SULF1: variants seen among roughly 807,000 people sequenced by gnomAD.
The protein encoded by SULF1 is extracellular sulfatase Sulf-1.
SULF1 carries 46 observed loss-of-function variants against 110.5 expected under a neutral mutation model. That is an observed-to-expected ratio of 0.42 (90% confidence interval 0.33 to 0.53). The LOEUF (loss-of-function observed/expected upper bound fraction) is 0.53, where lower values mean the gene tolerates loss of function less well. SULF1 is among the 20% of genes least tolerant of loss of function. The probability of loss-of-function intolerance (pLI) is 0.12; values close to 1 mark genes in which losing one functional copy is unlikely to be tolerated. For missense variants in SULF1, 941 were observed against 1,094.2 expected (o/e 0.86, Z 1.98); for synonymous variants, 371 against 387.1 (o/e 0.96, Z 0.49).
intron 3 of SULF1, among the ~76,000 whole-genome samples, chr8:69,539,127 G>T (rs1018512014): frequency 6.6e-6 from 1 of 152,154 alleles, no homozygotes; most frequent in Admixed American, 6.5e-5. Flanking sequence ...TCAGACACTC[G>T]CCTTTGTCAT....
intron 8 of SULF1, among the ~76,000 whole-genome samples, chr8:69,591,283 G>A (rs907610350): frequency 3.9e-5 from 6 of 152,028 alleles, no homozygotes; most frequent in Non-Finnish European, 7.4e-5. Flanking sequence ...GGCCAGGCGC[G>A]GTGGCTCACG....
At chr8:69,519,295 G>A (rs1313762897) in intron 3 of SULF1, among the ~76,000 whole-genome samples, 2 of 152,172 alleles carry the variant, frequency 1.3e-5, no homozygotes, top group Non-Finnish European at 2.9e-5. Flanking sequence ...AACATATGAA[G>A]CATAGCATAT....
At chr8:69,498,490 A>T (rs1810544160) in intron 2 of SULF1, among the ~76,000 whole-genome samples, 1 of 152,178 alleles carries the variant, frequency 6.6e-6, no homozygotes, top group Non-Finnish European at 1.5e-5. Context: ...CATAAGATGG[A>T]GACAAAGCCC....
At chr8:69,550,795 T>G (rs1272575134) in intron 3 of SULF1, among the ~76,000 whole-genome samples, 1 of 152,100 alleles carries the variant, frequency 6.6e-6, no homozygotes, top group Non-Finnish European at 1.5e-5. Flanking sequence ...GTAGATAAAG[T>G]CATTTGGAAA....
At chr8:69,491,830 T>C (rs957067026), upstream of SULF1, among the ~76,000 whole-genome samples, 7 of 151,810 alleles carry the variant, frequency 4.6e-5, no homozygotes, top group African/African-American at 1.7e-4. Flanking sequence ...GTTCCAAACC[T>C]ATGGAGACAG....
At chr8:69,553,092 C>G (rs1255004834) in intron 3 of SULF1, among the ~76,000 whole-genome samples, 1 of 152,228 alleles carries the variant, frequency 6.6e-6, no homozygotes, top group Non-Finnish European at 1.5e-5. Context: ...TTCCAGAACA[C>G]CTCCTTCACA....
rs746174102 is a variant in SULF1 at position 69,624,073 on chromosome 8, C to G, written c.1726C>G (p.Arg576Gly). 1 of 1,613,976 alleles carries G rather than the reference C, an allele frequency of 6.2e-7. No individual in the cohort carries two copies. Among genetic ancestry groups the G allele is most frequent in the African/African-American group, 1.3e-5 (1 of 74,918 alleles). The change falls in exon 15 of 23, where the codon CGT becomes GGT. Residue 576 changes from arginine (R) to glycine (G), a missense_variant. Arg to Gly is a moderately radical substitution (Grantham distance 125). Transcript: ENST00000402687. The stretch of plus-strand genomic sequence containing the variant: ...GTTGCAACCAAGAAACATTGCTAAG[C>G]GTCATGATGAAGGCCACAAGGGGCC... ...QVLQPRNIAKRHDEGHKGPRD... is the reference protein window; with the variant it reads ...QVLQPRNIAKGHDEGHKGPRD...
chr8:69,537,836 T>G (rs6472463), intron 3 of SULF1, among the ~76,000 whole-genome samples: 107,148 of 151,984 alleles, frequency 0.7, 37,733 homozygotes, highest in South Asian at 0.81. Flanking sequence ...TCAGAGACTG[T>G]CTTTTCAGGG....
chr8:69,563,260 C>T (rs1411804741), intron 3 of SULF1: 1 of 152,218 alleles, frequency 6.6e-6, no homozygotes, highest in East Asian at 1.9e-4. Flanking sequence ...CGATCGTCAG[C>T]TCTGTTGGGG....
At chr8:69,514,876 T>C (rs1465463712) in intron 3 of SULF1, among the ~76,000 whole-genome samples, 2 of 152,148 alleles carry the variant, frequency 1.3e-5, no homozygotes, top group Admixed American at 6.5e-5. Context: ...TCTCCTTTGA[T>C]TTTATATCTC....
chr8:69,608,275 T>A (rs1808382520), intron 13 of SULF1, among the ~76,000 whole-genome samples: 1 of 152,222 alleles, frequency 6.6e-6, no homozygotes, highest in South Asian at 2.1e-4. Flanking sequence ...ATTATACATG[T>A]AATGTACTAA....
intron 6 of SULF1, 32 bp from the exon 7 acceptor site, chr8:69,586,325 G>A (rs201112571): frequency 3.0e-5 from 46 of 1,523,818 alleles, no homozygotes; most frequent in South Asian, 1.8e-4. Flanking sequence ...ATCATTTTAC[G>A]TGAAAAAAAT....
chr8:69,600,868 A>G, intron 9 of SULF1, 115 bp downstream of exon 9: 1 of 1,155,322 alleles, frequency 8.7e-7, no homozygotes, highest in Non-Finnish European at 1.2e-6. Context: ...TCATTTTGAG[A>G]GAGAAAGAAA....
intron 13 of SULF1, among the ~76,000 whole-genome samples, chr8:69,616,505 G>A (rs757007477): frequency 1.3e-5 from 2 of 151,744 alleles, no homozygotes; most frequent in African/African-American, 4.8e-5. Flanking sequence ...AGGTTCAAGT[G>A]ATTCTCCTGC....
At chr8:69,593,087 C>A in intron 8 of SULF1, 1 of 484,614 alleles carries the variant, frequency 2.1e-6, no homozygotes, top group Non-Finnish European at 2.7e-6. Flanking sequence ...GGGTTTTGTG[C>A]ACCTAGAATG....
chr8:69,467,999 G>A (rs1345965850), intron 1 of SULF1, among the ~76,000 whole-genome samples: 1 of 151,718 alleles, frequency 6.6e-6, no homozygotes, highest in African/African-American at 2.4e-5. Flanking sequence ...TAAAAAAAAG[G>A]CCTTTCAATT....
At position 69,576,081 on chromosome 8, in the gene SULF1, T is replaced by C. The variant is rs773175791; in HGVS notation, c.284T>C (p.Leu95Pro). The C allele has an allele frequency of 1.9e-6, 3 of 1,614,182 alleles. No homozygotes were observed. In the Admixed American group the frequency reaches 5.0e-5, roughly 27 times the overall value. Residue 95 changes from leucine to proline, a missense_variant, in exon 6 of 23, where the codon CTC becomes CCC. By Grantham distance (98) the Leu-to-Pro change is moderately conservative. Around this residue, in one of 3 missense-constraint regions of SULF1, gnomAD observed 822 missense variants for 934.3 expected, o/e 0.88. Transcript: ENST00000402687. ...TGCTGCCCGTCACGGTCCTCCATGCTCACCGGGAAGTATGTGCACAATCAC... is the reference window on the plus strand; with the variant it reads ...TGCTGCCCGTCACGGTCCTCCATGCCCACCGGGAAGTATGTGCACAATCAC... ...PMCCPSRSSM[L>P]TGKYVHNHNV...
chr8:69,490,875 A>C (rs2084205503), upstream of SULF1, among the ~76,000 whole-genome samples: 1 of 152,222 alleles, frequency 6.6e-6, no homozygotes, highest in South Asian at 2.1e-4. Context: ...GGGATTTGTA[A>C]ATAGTAGCTA....
intron 3 of SULF1, among the ~76,000 whole-genome samples, chr8:69,559,654 G>A (rs1483356112): frequency 2.6e-5 from 4 of 152,196 alleles, no homozygotes; most frequent in Admixed American, 6.5e-5. Flanking sequence ...AGTAAAAGTA[G>A]TGTTTCATTT....
Sources: allele counts gnomAD v4.1 joint callset (sites outside exome capture counted in the v4.1 genomes callset), GRCh38; gene constraint gnomAD v4.1.1; regional missense constraint gnomAD v4.1.1; transcripts MANE v1.5; gene names NCBI Gene and HGNC (gene_info 2026-07-23, HGNC 2026-07-21).